ADCY4: variants seen among roughly 807,000 people sequenced by gnomAD.
ADCY4 encodes the protein adenylate cyclase type 4.
In ADCY4, 111 loss-of-function variants were observed where a neutral mutation model predicts 125.5. That is an observed-to-expected ratio of 0.88 (90% CI 0.76 to 1.04). The LOEUF (loss-of-function observed/expected upper bound fraction) is 1.04. Among genes scored for constraint, ADCY4 ranks in the 50% least tolerant of loss-of-function variants. The probability of loss-of-function intolerance (pLI) is 0.00; values close to 1 mark genes in which losing one functional copy is unlikely to be tolerated. For missense variants in ADCY4, 1,256 were observed against 1,382.9 expected (o/e 0.91, Z 1.46); for synonymous variants, 576 against 586.9 (o/e 0.98, Z 0.27).
In ADCY4 at chr14:24,326,326, G is replaced by A; in HGVS notation, c.1541C>T (p.Ser514Phe). The A allele has an allele frequency of 6.2e-7, 1 of 1,614,074 alleles. No individual in the cohort carries two copies. Among genetic ancestry groups the A allele is most frequent in the Non-Finnish European group, 8.5e-7 (1 of 1,180,018 alleles). ...STPLPEKTLA[S>F]FSTQWSLDRS... Reference sequence around the variant, plus strand: ...ATCCAGGCTCCACTGGGTGCTGAAGGAAGCCAGGGTCTTCTCCTGTTGGGA... The same window carrying A: ...ATCCAGGCTCCACTGGGTGCTGAAGAAAGCCAGGGTCTTCTCCTGTTGGGA... The change falls in exon 11 of 25, where the codon TCC (serine) becomes TTC (phenylalanine). Residue 514 changes from serine (S) to phenylalanine (F), a missense_variant. Ser to Phe is a radical substitution (Grantham distance 155, BLOSUM62 -2). Coordinates refer to ENST00000418030, the MANE Select transcript of ADCY4 (RefSeq NM_001198568.2).
rs981501321 is a variant in ADCY4 at position 24,325,162 on chromosome 14, T to C, written c.1823+215A>G. ...TTGTTAGAATCAAAAGAGATGCTCA[T>C]GGGAAAATGCTAGGGCTGTGTAGAA... On this transcript the variant is annotated intron_variant, in intron 14 of 24. Transcript: ENST00000418030. Among the ~76,000 whole-genome samples the C allele has an allele frequency of 3.3e-5, 5 of 151,064 alleles. No homozygotes were observed. In the South Asian group the frequency reaches 6.2e-4, roughly 19 times the overall value.
intron 10 of ADCY4, among the ~76,000 whole-genome samples, chr14:24,328,030 T>C (rs935695823): frequency 3.3e-5 from 5 of 152,104 alleles, no homozygotes; most frequent in African/African-American, 1.2e-4. Context: ...AGATAGGAGC[T>C]GAGGGGACAT....
chr14:24,321,940 G>A (rs1285104176), intron 20 of ADCY4, 126 bp downstream of exon 20: 1 of 1,417,686 alleles, frequency 7.1e-7, no homozygotes, highest in East Asian at 2.4e-5. Context: ...AAAGACGCTT[G>A]ACAAGCACAA....
rs1231264370 is a variant in ADCY4, at chr14:24,332,566, A to T, written c.475T>A (p.Tyr159Asn). Residue 159 changes from tyrosine to asparagine, a missense_variant, in exon 3 of 25, where the codon TAT (tyrosine) becomes AAT (asparagine). Tyr to Asn is a moderately radical substitution (Grantham distance 143, BLOSUM62 -2). Transcript: ENST00000418030. ...CGTGAGTCCGGCTGTGGCCCAAGATACAGCCCGAGGACCAGCAGATGCGAG... is the reference window on the plus strand; with the variant it reads ...CGTGAGTCCGGCTGTGGCCCAAGATTCAGCCCGAGGACCAGCAGATGCGAG... ...SLSHLLVLGL[Y>N]LGPQPDSRPA... The T allele has an allele frequency of 6.3e-7, 1 of 1,575,776 alleles. No individual in the cohort carries two copies. The highest frequency in any genetic ancestry group is 1.3e-5 in the African/African-American group (1 of 74,512).
At chr14:24,326,566 G>C (rs1434069692) in intron 10 of ADCY4, 2 of 525,876 alleles carry the variant, frequency 3.8e-6, no homozygotes, top group Non-Finnish European at 6.8e-6. Context: ...AGACTCCCAG[G>C]ATCTTTGTGT....
In ADCY4 at chr14:24,325,335, G is replaced by A. The variant is rs55928265; in HGVS notation, c.1823+42C>T. The stretch of plus-strand genomic sequence containing the variant: ...CGGGGTCATGAGGGCAAGGTGATCC[G>A]CTTATGACAGCCAGGGCCTCCTTTG... On this transcript the variant is annotated intron_variant, in intron 14 of 24. Transcript: ENST00000418030. The A allele has an allele frequency of 6.0e-4, 930 of 1,559,350 alleles. 5 individuals are homozygous for A. The African/African-American group carries it at 0.011, about 19-fold the overall frequency.
intron 14 of ADCY4, 81 bp from the exon 15 acceptor site, chr14:24,324,472 G>A (rs2041909174): frequency 2.0e-6 from 3 of 1,470,292 alleles, no homozygotes; most frequent in African/African-American, 1.4e-5. Flanking sequence ...GAGCTGGGTG[G>A]GAGATAGGGG....
chr14:24,320,155 G>A (rs1341060079), intron 20 of ADCY4, among the ~76,000 whole-genome samples: 2 of 152,180 alleles, frequency 1.3e-5, no homozygotes, highest in Non-Finnish European at 2.9e-5. Flanking sequence ...CTAGAACTGG[G>A]ATCCTGTCAA....
Position 24,332,792 on chromosome 14 carries a change from T to C in ADCY4, c.356A>G (p.Gln119Arg). The part of the protein sequence containing the change: ...FTGGVVSAWD[Q>R]VSYFLFVIFT... The stretch of plus-strand genomic sequence containing the variant: ...TGCCCCGCCTGCCGCCCCTCTCACC[T>C]GGTCCCAGGCGCTCACCACGCCCCC... Residue 119 changes from glutamine (Q) to arginine (R), a missense_variant and splice_region_variant, in exon 2 of 25, where the codon CAG becomes CGG. Transcript: ENST00000418030. The C allele has an allele frequency of 1.3e-6, 2 of 1,548,618 alleles. No individual in the cohort carries two copies. Among genetic ancestry groups the C allele is most frequent in the Non-Finnish European group, 1.7e-6 (2 of 1,143,286 alleles).
In ADCY4 at chr14:24,326,294, C is replaced by T. The variant is rs2041943250; in HGVS notation, c.1568+5G>A. On this transcript the variant is annotated splice_donor_5th_base_variant and intron_variant, in intron 11 of 24. Coordinates refer to ENST00000418030, the MANE Select transcript of ADCY4 (RefSeq NM_001198568.2). The stretch of plus-strand genomic sequence containing the variant: ...CCACTGGCAAAGACTTTGAGGCCTC[C>T]TCACCGATCCAGGCTCCACTGGGTG... 6.2e-7 allele frequency: 1 copy of T among 1,614,116 alleles called. No individual in the cohort carries two copies. Among genetic ancestry groups the T allele is most frequent in the East Asian group, 2.2e-5 (1 of 44,852 alleles).
chr14:24,330,976 A>C (rs2042031651), intron 6 of ADCY4, 42 bp downstream of exon 6: 1 of 1,542,976 alleles, frequency 6.5e-7, no homozygotes, highest in African/African-American at 1.4e-5. Flanking sequence ...CCAGGATGGG[A>C]TGTTTGAGGG....
At chr14:24,320,112 G>T (rs2041830384) in intron 20 of ADCY4, among the ~76,000 whole-genome samples, 1 of 152,170 alleles carries the variant, frequency 6.6e-6, no homozygotes, top group Non-Finnish European at 1.5e-5. Context: ...TTGGCGTTAG[G>T]ATCACCTCAC....
rs778931405 is a variant in ADCY4 at position 24,332,984 on chromosome 14, A to C, written c.164T>G (p.Leu55Arg). The C allele has an allele frequency of 5.2e-6, 8 of 1,536,876 alleles. No individual in the cohort carries two copies. The highest frequency in any genetic ancestry group is 2.0e-5 in the Admixed American group (1 of 49,452). Residue 55 changes from leucine to arginine, a missense_variant, in exon 2 of 25, where the codon CTG becomes CGG. Coordinates refer to ENST00000418030, the MANE Select transcript of ADCY4 (RefSeq NM_001198568.2). ...LAVAWASGRE[L>R]TSDPSFLTTV... ...GGTCAGGAAGCTCGGGTCTGAGGTCAGCTCCTGTGGGCAGGGGTGTGTGAG... is the reference window on the plus strand; with the variant it reads ...GGTCAGGAAGCTCGGGTCTGAGGTCCGCTCCTGTGGGCAGGGGTGTGTGAG...
At chr14:24,324,423 G>A in intron 14 of ADCY4, 32 bp from the exon 15 acceptor site, 1 of 1,576,444 alleles carries the variant, frequency 6.3e-7, no homozygotes, top group African/African-American at 1.3e-5. Flanking sequence ...GCCTTGAAGT[G>A]CCAGAACAGG....
At chr14:24,324,281 C>A in intron 15 of ADCY4, 26 bp downstream of exon 15, 1 of 1,613,956 alleles carries the variant, frequency 6.2e-7, no homozygotes. Context: ...TCCGGCATAC[C>A]ACTTCCACCC....
Position 24,319,433 on chromosome 14 carries a change from G to A in ADCY4, c.2737C>T (p.Leu913Phe). 6.2e-7 allele frequency: 1 copy of A among 1,614,154 alleles called. No homozygotes were observed. Among genetic ancestry groups the A allele is most frequent in the African/African-American group, 1.3e-5 (1 of 75,066 alleles). Residue 913 changes from leucine (L) to phenylalanine (F), a missense_variant, in exon 22 of 25, where the codon CTC (leucine) becomes TTC (phenylalanine). Transcript: ENST00000418030. The surrounding 1 kb of genome is among the most constrained non-coding windows in gnomAD (Gnocchi z 4.5). ...ACCCCACTGAACTTGGGCTTGGAGA[G>A]CAGCTGTATATAGAGAAGAGTCCTG... ...NEIIADFDELLSKPKFSGVEK... is the reference protein window; with the variant it reads ...NEIIADFDELFSKPKFSGVEK...
In ADCY4 at chr14:24,318,690, G is replaced by T; in HGVS notation, c.3045C>A (p.Ser1015Arg). The change falls in exon 24 of 25, where the codon AGC becomes AGA. Residue 1015 changes from serine (S) to arginine (R), a missense_variant. Physicochemically the swap from Ser to Arg is moderately radical, Grantham distance 110 (BLOSUM62 -1). Transcript: ENST00000418030. ...CAAGGACTCCTGTACTCTCCATGCG[G>T]CTGGCCACGTTCACTGTGTTGCCCC... Reference protein sequence around the residue: ...DIWGNTVNVASRMESTGVLGK... With the variant: ...DIWGNTVNVARRMESTGVLGK... 3 of 1,614,150 alleles carry T rather than the reference G, an allele frequency of 1.9e-6. No homozygotes were observed. Among genetic ancestry groups the T allele is most frequent in the Non-Finnish European group, 2.5e-6 (3 of 1,180,028 alleles).
At chr14:24,330,846 G>C (rs570336171) in intron 6 of ADCY4, 172 bp downstream of exon 6, 1 of 616,666 alleles carries the variant, frequency 1.6e-6, no homozygotes, top group African/African-American at 1.8e-5. Context: ...GTGGTGAGCA[G>C]CTTCATGACT....
At chr14:24,321,140 G>T (rs1053281993) in intron 20 of ADCY4, among the ~76,000 whole-genome samples, 2 of 149,864 alleles carry the variant, frequency 1.3e-5, no homozygotes, top group African/African-American at 4.9e-5. Flanking sequence ...TTTAGGCCGG[G>T]TGCGGTGCGC....
Sources: allele counts gnomAD v4.1 joint callset (sites outside exome capture counted in the v4.1 genomes callset), GRCh38; gene constraint gnomAD v4.1.1; non-coding constraint Gnocchi (gnomAD v3.1); transcripts MANE v1.5; gene names NCBI Gene and HGNC (gene_info 2026-07-23, HGNC 2026-07-21).